The following CSMD1 variants were observed in gnomAD, a reference collection of about 807,000 sequenced individuals.
CSMD1 encodes CUB and sushi domain-containing protein 1.
A neutral mutation model predicts 417.5 loss-of-function variants in CSMD1; 213 were observed. The observed-to-expected ratio is 0.51, with a 90% CI of 0.46 to 0.57. CSMD1 has a LOEUF of 0.57. Among genes scored for constraint, CSMD1 ranks in the 20% least tolerant of loss-of-function variants. CSMD1 has a pLI of 0.00. For missense variants in CSMD1, 6,923 were observed against 4,529.7 expected (o/e 1.53, Z -15.17); for synonymous variants, 2,862 against 1,736.8 (o/e 1.65, Z -16.11).
chr8:3,033,230 T>C (rs1319034346), intron 50 of CSMD1, among the ~76,000 whole-genome samples: 1 of 152,122 alleles, frequency 6.6e-6, no homozygotes, highest in African/African-American at 2.4e-5. Flanking sequence ...ACATTCTCTT[T>C]GATTTAGATG....
At chr8:3,931,740 C>T (rs1417862450) in intron 5 of CSMD1, among the ~76,000 whole-genome samples, 5 of 148,428 alleles carry the variant, frequency 3.4e-5, no homozygotes, top group African/African-American at 7.5e-5. Context: ...AATCTCAATC[C>T]ACACCAGAGG....
intron 33 of CSMD1, among the ~76,000 whole-genome samples, chr8:3,197,612 C>T (rs1246606782): frequency 1.1e-5 from 1 of 95,202 alleles, no homozygotes; most frequent in Non-Finnish European, 2.2e-5. Context: ...ACTACAGGTG[C>T]CCGCCACCAC....
chr8:4,815,932 G>T (rs62484627), intron 1 of CSMD1, among the ~76,000 whole-genome samples: 6,937 of 152,156 alleles, frequency 0.046, 212 homozygotes, highest in Middle Eastern at 0.088. Context: ...TTTTAAACCA[G>T]ATCTGGAAAG....
At chr8:4,002,253 ATG>A (rs1338386334) in intron 4 of CSMD1, among the ~76,000 whole-genome samples, 3 of 151,776 alleles carry the variant, frequency 2.0e-5, no homozygotes, top group Non-Finnish European at 4.4e-5. Flanking sequence ...GTTTGTGTGT[ATG>A]TGTGTGTTTG....
chr8:4,531,356 A>G (rs1335511872), intron 2 of CSMD1, among the ~76,000 whole-genome samples: 3 of 152,184 alleles, frequency 2.0e-5, no homozygotes, highest in African/African-American at 7.2e-5. Context: ...CAGAGTCTAT[A>G]ATTTGTATCT....
Position 4,309,626 on chromosome 8 carries a change from G to C in CSMD1, c.415+110327C>G, listed in dbSNP as rs539972157. Among the ~76,000 whole-genome samples, 163 of 152,108 alleles carry C rather than the reference G, an allele frequency of 1.1e-3. 1 individual carries two copies. Among genetic ancestry groups the C allele is most frequent in the African/African-American group, 3.9e-3 (160 of 41,496 alleles). Reference sequence around the variant, plus strand: ...CTCCCATTTTAGTACAACTCCCTTGGGAAGGGGCATACTGCTACTGAAATT... The same window carrying C: ...CTCCCATTTTAGTACAACTCCCTTGCGAAGGGGCATACTGCTACTGAAATT... On this transcript the variant is annotated intron_variant, in intron 3 of 69. Coordinates refer to ENST00000635120, the MANE Select transcript of CSMD1 (RefSeq NM_033225.6).
intron 2 of CSMD1, among the ~76,000 whole-genome samples, chr8:4,488,574 C>T (rs1461928089): frequency 6.6e-6 from 1 of 152,086 alleles, no homozygotes; most frequent in Non-Finnish European, 1.5e-5. Context: ...AAAAATTTAT[C>T]TCCAGATTTG....
intron 1 of CSMD1, among the ~76,000 whole-genome samples, chr8:4,736,572 A>G (rs1810250363): frequency 6.6e-6 from 1 of 152,188 alleles, no homozygotes; most frequent in African/African-American, 2.4e-5. Context: ...TGAACACTCA[A>G]TCTAGGAAAA....
At chr8:3,263,854 A>C (rs1801253715) in intron 26 of CSMD1, among the ~76,000 whole-genome samples, 1 of 152,236 alleles carries the variant, frequency 6.6e-6, no homozygotes, top group South Asian at 2.1e-4. Flanking sequence ...GGGAAAACCA[A>C]GTATGTCTCT....
At chr8:4,022,011 C>T (rs1796811994) in intron 4 of CSMD1, among the ~76,000 whole-genome samples, 1 of 151,576 alleles carries the variant, frequency 6.6e-6, no homozygotes, top group Non-Finnish European at 1.5e-5. Flanking sequence ...ATTCTGGAGT[C>T]CAACACTGGA....
chr8:3,817,507 C>T (rs969486968), intron 5 of CSMD1, among the ~76,000 whole-genome samples: 5 of 151,834 alleles, frequency 3.3e-5, no homozygotes, highest in South Asian at 2.1e-4. Flanking sequence ...TCTCAATCTC[C>T]TGACCTTGTG....
At chr8:3,556,405 A>ATATATATATATATATATATATATG (rs1799146335) in intron 10 of CSMD1, among the ~76,000 whole-genome samples, 1 of 140,578 alleles carries the variant, frequency 7.1e-6, no homozygotes, top group Admixed American at 7.0e-5. Flanking sequence ...ATATATATAT[A>ATATATATATATATATATATATATG]TATATATATT....
intron 7 of CSMD1, among the ~76,000 whole-genome samples, chr8:3,682,153 A>G (rs1799698125): frequency 1.3e-5 from 2 of 152,220 alleles, no homozygotes; most frequent in Non-Finnish European, 2.9e-5. Flanking sequence ...TGTCTAAAAC[A>G]CCAAAAGCAA....
intron 1 of CSMD1, among the ~76,000 whole-genome samples, chr8:4,920,761 T>C (rs1806382531): frequency 6.6e-6 from 1 of 151,122 alleles, no homozygotes; most frequent in Admixed American, 6.6e-5. Context: ...AGGCAGAGGT[T>C]GCACCAAGCC....
chr8:4,939,646 G>C (rs1480135012), intron 1 of CSMD1, among the ~76,000 whole-genome samples: 1 of 152,040 alleles, frequency 6.6e-6, no homozygotes, highest in East Asian at 1.9e-4. Context: ...CTGGGGGTGA[G>C]TGGGAAGGAA....
intron 1 of CSMD1, among the ~76,000 whole-genome samples, chr8:4,957,890 T>A (rs1417430049): frequency 6.6e-6 from 1 of 152,186 alleles, no homozygotes; most frequent in African/African-American, 2.4e-5. Flanking sequence ...AAGTGTGGAT[T>A]GATAAAGCTG....
chr8:4,160,465 G>C (rs1054722308), intron 3 of CSMD1, among the ~76,000 whole-genome samples: 2 of 152,118 alleles, frequency 1.3e-5, no homozygotes, highest in Non-Finnish European at 2.9e-5. Context: ...GTAAGTGTTG[G>C]TCATGTGTCT....
intron 10 of CSMD1, among the ~76,000 whole-genome samples, chr8:3,557,547 G>A (rs1005704075): frequency 6.6e-6 from 1 of 152,210 alleles, no homozygotes; most frequent in African/African-American, 2.4e-5. Context: ...AAGAGGCACA[G>A]TGTTTCCTTT....
chr8:3,666,456 T>C (rs1213139533), intron 7 of CSMD1, among the ~76,000 whole-genome samples: 1 of 152,190 alleles, frequency 6.6e-6, no homozygotes, highest in African/African-American at 2.4e-5. Flanking sequence ...AAATACTGAA[T>C]CACGATTGAT....
Sources: allele counts gnomAD v4.1 joint callset (sites outside exome capture counted in the v4.1 genomes callset), GRCh38; gene constraint gnomAD v4.1.1; transcripts MANE v1.5; gene names NCBI Gene and HGNC (gene_info 2026-07-23, HGNC 2026-07-21).